The following TEK variants were observed in gnomAD, a reference collection of about 807,000 sequenced individuals.
TEK encodes angiopoietin-1 receptor.
Under a neutral mutation model 131.8 loss-of-function variants are expected in TEK, and 43 were observed. The ratio of observed to expected loss-of-function variants is 0.33; its 90% CI spans 0.26 to 0.42. The LOEUF is 0.42. Ranked by LOEUF, TEK falls within the 10% of genes least tolerant of loss-of-function variation. The pLI is 1.00. For missense variants in TEK, 1,162 were observed against 1,384.4 expected (o/e 0.84, Z 2.55); for synonymous variants, 580 against 491.6 (o/e 1.18, Z -2.38).
At chr9:27,219,975 A>G (rs1825996498) in intron 20 of TEK, 74 bp from the exon 21 acceptor site, 1 of 1,507,554 alleles carries the variant, frequency 6.6e-7, no homozygotes, top group African/African-American at 1.4e-5. Flanking sequence ...GGCCCCTTAT[A>G]TTTAGAAACC....
At chr9:27,187,180 A>G (rs1326101124) in intron 9 of TEK, among the ~76,000 whole-genome samples, 1 of 152,236 alleles carries the variant, frequency 6.6e-6, no homozygotes, top group Non-Finnish European at 1.5e-5. Context: ...AGTGAAAGAC[A>G]CGGCACACAA....
intron 1 of TEK, among the ~76,000 whole-genome samples, chr9:27,115,614 A>G (rs1821524129): frequency 6.6e-6 from 1 of 152,220 alleles, no homozygotes; most frequent in Admixed American, 6.5e-5. Context: ...AACAACTTGT[A>G]GGTTGATTTT....
chr9:27,229,277 G>T lies in TEK; in HGVS notation c.*45G>T. The stretch of plus-strand genomic sequence containing the variant: ...CTCTGTTTCCCTTTCACTGGCATGG[G>T]AGACCCTTGACACCTGCTGAGAAAA... On this transcript the variant is annotated 3_prime_UTR_variant, in exon 23 of 23. Transcript: ENST00000380036. The T allele has an allele frequency of 6.3e-7, 1 of 1,586,530 alleles. No individual in the cohort carries two copies. The highest frequency in any genetic ancestry group is 8.7e-7 in the Non-Finnish European group (1 of 1,155,100).
At chr9:27,123,482 T>C (rs1362117769) in intron 1 of TEK, among the ~76,000 whole-genome samples, 1 of 152,032 alleles carries the variant, frequency 6.6e-6, no homozygotes, top group Non-Finnish European at 1.5e-5. Flanking sequence ...GTAATGAGGG[T>C]AGGTATTTTC....
At chr9:27,169,216 A>G (rs1823857192) in intron 3 of TEK, among the ~76,000 whole-genome samples, 1 of 152,196 alleles carries the variant, frequency 6.6e-6, no homozygotes. Flanking sequence ...TCCCTGTAGA[A>G]TGTAAGAACT....
chr9:27,162,469 A>G (rs1587537011), intron 2 of TEK, among the ~76,000 whole-genome samples: 1 of 152,212 alleles, frequency 6.6e-6, no homozygotes. Context: ...ATAAAGTTTG[A>G]AACGTTTTCA....
Position 27,206,695 on chromosome 9 carries a change from T to C in TEK, c.2478T>C (p.Phe826=). 1 of 1,614,098 alleles carries C rather than the reference T, an allele frequency of 6.2e-7. No homozygotes were observed. The highest frequency in any genetic ancestry group is 8.5e-7 in the Non-Finnish European group (1 of 1,180,000). ...TGCTTGACTGGAATGACATCAAATTTCAAGATGTGATTGGGGAGGGCAATT... is the reference window on the plus strand; with the variant it reads ...TGCTTGACTGGAATGACATCAAATTCCAAGATGTGATTGGGGAGGGCAATT... ...YPVLDWNDIK[F]QDVIGEGNFG... Residue 826 remains phenylalanine (F), a synonymous_variant, in exon 15 of 23, where the codon TTT becomes TTC. Transcript: ENST00000380036.
chr9:27,140,434 A>G (rs1395861740), intron 1 of TEK, among the ~76,000 whole-genome samples: 1 of 151,602 alleles, frequency 6.6e-6, no homozygotes, highest in African/African-American at 2.4e-5. Flanking sequence ...ATCTCTTCCA[A>G]TGCTGGAGGA....
intron 3 of TEK, 116 bp from the exon 4 acceptor site, chr9:27,169,361 T>C: frequency 7.3e-7 from 1 of 1,364,702 alleles, no homozygotes; most frequent in Non-Finnish European, 1.0e-6. Context: ...ACATCCAATA[T>C]GTGAGAGCAC....
At chr9:27,164,601 G>T (rs1823661901) in intron 2 of TEK, among the ~76,000 whole-genome samples, 1 of 152,180 alleles carries the variant, frequency 6.6e-6, no homozygotes, top group Admixed American at 6.5e-5. Context: ...TTACAGGCGT[G>T]AGCAACTACG....
intron 18 of TEK, among the ~76,000 whole-genome samples, chr9:27,215,132 C>T (rs1293904452): frequency 6.6e-6 from 1 of 152,206 alleles, no homozygotes; most frequent in South Asian, 2.1e-4. Flanking sequence ...TATTTGGATG[C>T]TCTCCTCAGC....
chr9:27,197,419 G>C lies in TEK; in HGVS notation c.1729G>C (p.Glu577Gln). The change falls in exon 12 of 23, where the codon GAA (glutamate) becomes CAA (glutamine). Residue 577 changes from glutamate (E) to glutamine (Q), a missense_variant. Physicochemically the swap from Glu to Gln is conservative, Grantham distance 29. Around this residue, in one of 6 missense-constraint regions of TEK, gnomAD observed 477 missense variants for 471.0 expected, o/e 1.01. Transcript: ENST00000380036. Reference sequence around the variant, plus strand: ...AAGCTCGGAAGATGACTTTTATGTTGAAGTGGAGAGAAGGTCTGTGCAAAA... The same window carrying C: ...AAGCTCGGAAGATGACTTTTATGTTCAAGTGGAGAGAAGGTCTGTGCAAAA... ...FPSSEDDFYV[E>Q]VERRSVQKSD... is the part of the protein sequence containing the mutation. The C allele has an allele frequency of 1.9e-6, 3 of 1,614,098 alleles. No individual in the cohort carries two copies. Among genetic ancestry groups the C allele is most frequent in the Non-Finnish European group, 2.5e-6 (3 of 1,180,012 alleles).
chr9:27,174,297 G>A (rs1266552031), intron 6 of TEK, among the ~76,000 whole-genome samples: 1 of 152,106 alleles, frequency 6.6e-6, no homozygotes, highest in South Asian at 2.1e-4. Flanking sequence ...GGCACTAAAG[G>A]TAGCTACGAT....
chr9:27,149,190 A>G (rs1284249028), intron 1 of TEK, among the ~76,000 whole-genome samples: 1 of 152,172 alleles, frequency 6.6e-6, no homozygotes, highest in Non-Finnish European at 1.5e-5. Context: ...TCATTGTTAG[A>G]GATACAGCGA....
At chr9:27,224,817 G>GTCTCTGTCTGCAGATGA (rs1224693936) in intron 21 of TEK, among the ~76,000 whole-genome samples, 1 of 152,224 alleles carries the variant, frequency 6.6e-6, no homozygotes, top group Admixed American at 6.5e-5. Flanking sequence ...AAGTCAAACT[G>GTCTCTGTCTGCAGATGA]TCTCTGTCTG....
At position 27,129,850 on chromosome 9, in the gene TEK, A is replaced by T. The variant is rs541775570; in HGVS notation, c.52+20208A>T. 4.6e-5 allele frequency among the ~76,000 whole-genome samples: 7 copies of T among 152,324 alleles called. No individual in the cohort carries two copies. The South Asian group carries it at 1.4e-3, about 32-fold the overall frequency. On this transcript the variant is annotated intron_variant, in intron 1 of 22. Coordinates refer to ENST00000380036, the MANE Select transcript of TEK (RefSeq NM_000459.5). ...GGCCACACTGGATATTCAATAAATG[A>T]ATAGATTTCCACTAAACTGATGGCT...
chr9:27,146,167 A>T (rs1733715356), intron 1 of TEK, among the ~76,000 whole-genome samples: 1 of 152,180 alleles, frequency 6.6e-6, no homozygotes, highest in Admixed American at 6.5e-5. Flanking sequence ...GCTTCTGTTG[A>T]TGAACTTTAT....
rs1825275337 is a variant in TEK at position 27,203,017 on chromosome 9, G to A, written c.2107G>A (p.Glu703Lys). Residue 703 changes from glutamate to lysine, a missense_variant, in exon 13 of 23, where the codon GAG (glutamate) becomes AAG (lysine). Glu to Lys is a moderately conservative substitution (Grantham distance 56). Coordinates refer to ENST00000380036, the MANE Select transcript of TEK (RefSeq NM_000459.5). ...TITQYQLKGL[E>K]PETAYQVDIF... ...CACTCAGTATCAGCTCAAGGGCCTA[G>A]AGCCTGAAACAGCATACCAGGTGGA... The A allele has an allele frequency of 1.9e-6, 3 of 1,614,094 alleles. No homozygotes were observed. Among genetic ancestry groups the A allele is most frequent in the Non-Finnish European group, 2.5e-6 (3 of 1,179,988 alleles).
chr9:27,145,845 C>T (rs1339698201), intron 1 of TEK, among the ~76,000 whole-genome samples: 6 of 152,122 alleles, frequency 3.9e-5, no homozygotes, highest in Admixed American at 2.0e-4. Context: ...AGAACAATGT[C>T]ATTAGATTGA....
Sources: allele counts gnomAD v4.1 joint callset (sites outside exome capture counted in the v4.1 genomes callset), GRCh38; gene constraint gnomAD v4.1.1; regional missense constraint gnomAD v4.1.1; transcripts MANE v1.5; gene names NCBI Gene and HGNC (gene_info 2026-07-23, HGNC 2026-07-21).